STS: variants seen among roughly 807,000 people sequenced by gnomAD.
The protein encoded by STS is steroid sulfatase, also known as steryl-sulfatase.
Under a neutral mutation model 26.8 loss-of-function variants are expected in STS, and 7 were observed. That is an observed-to-expected ratio of 0.26 (90% CI 0.15 to 0.49). The LOEUF (loss-of-function observed/expected upper bound fraction) is 0.49. Among genes scored for constraint, STS ranks in the 20% least tolerant of loss-of-function variants. STS has a pLI of 0.98. For missense variants in STS, 434 were observed against 465.6 expected, an observed-to-expected ratio of 0.93 and a Z score of 0.63; for synonymous variants, 199 against 189.4, an observed-to-expected ratio of 1.05 and a Z score of -0.42.
intron 8 of STS, 80 bp from the exon 9 acceptor site, chrX:7,325,259 G>C (rs1053045068): frequency 1.0e-5 from 11 of 1,049,405 alleles, no homozygotes; most frequent in African/African-American, 9.3e-5. Context: ...TCTACATTGA[G>C]CACGAAAGAG....
At chrX:7,264,866 T>G (rs1332253394) in intron 6 of STS, among the ~76,000 whole-genome samples, 4 of 111,650 alleles carry the variant, frequency 3.6e-5, no homozygotes, top group African/African-American at 1.3e-4. Flanking sequence ...ACAGGTGATC[T>G]CATGTAAAAG....
chrX:7,246,886 A>G (rs1267036498), intron 2 of STS, among the ~76,000 whole-genome samples: 2 of 113,113 alleles, frequency 1.8e-5, no homozygotes, highest in Non-Finnish European at 3.7e-5. Context: ...TGCAAGGCCT[A>G]CGCCAGGGAC....
intron 6 of STS, 49 bp from the exon 7 acceptor site, chrX:7,275,902 C>G: frequency 8.8e-7 from 1 of 1,133,757 alleles, no homozygotes; most frequent in Non-Finnish European, 1.2e-6. Flanking sequence ...ACATACTTAA[C>G]ATTATCTGTG....
chrX:7,323,809 C>G (rs780777150), intron 8 of STS, among the ~76,000 whole-genome samples: 3 of 111,536 alleles, frequency 2.7e-5, no homozygotes, highest in Non-Finnish European at 5.7e-5. Flanking sequence ...AATCTTATTC[C>G]TTGCCTTATC....
rs1334853015 is a variant in STS, at chrX:7,224,767, G to T, written c.-4-28429G>T. On this transcript the variant is annotated intron_variant, in intron 2 of 10. Coordinates refer to ENST00000674429, the MANE Select transcript of STS (RefSeq NM_001320752.2). ...GACTAAGACAATCTGTAAAATAAGGGTATTCACCACCCATGAGGTCTCATA... is the reference window on the plus strand; with the variant it reads ...GACTAAGACAATCTGTAAAATAAGGTTATTCACCACCCATGAGGTCTCATA... Among the ~76,000 whole-genome samples, 3 of 112,352 alleles carry T rather than the reference G, an allele frequency of 2.7e-5. No homozygotes were observed. The East Asian group carries it at 8.4e-4, about 31-fold the overall frequency.
intron 2 of STS, among the ~76,000 whole-genome samples, chrX:7,214,628 T>C (rs1282754143): frequency 1.8e-5 from 2 of 110,059 alleles, no homozygotes; most frequent in Non-Finnish European, 3.8e-5. Context: ...ATTTGTGAGA[T>C]TTTGGTGCAC....
At chrX:7,212,728 A>G (rs747288797) in intron 2 of STS, among the ~76,000 whole-genome samples, 1 of 112,039 alleles carries the variant, frequency 8.9e-6, no homozygotes, top group South Asian at 3.8e-4. Flanking sequence ...TTGATGAATT[A>G]TACTAAACAA....
chrX:7,287,411 G>A (rs1224408444), intron 7 of STS, among the ~76,000 whole-genome samples: 2 of 110,909 alleles, frequency 1.8e-5, no homozygotes, highest in Non-Finnish European at 3.8e-5. Flanking sequence ...CCCTAAATAG[G>A]CAGCATCATT....
At chrX:7,324,266 G>C (rs929829051) in intron 8 of STS, among the ~76,000 whole-genome samples, 1 of 110,966 alleles carries the variant, frequency 9.0e-6, no homozygotes, top group Admixed American at 9.7e-5. Context: ...GCAGTCAATA[G>C]AAGGGAGTGT....
chrX:7,331,487 A>G (rs1209222830), intron 9 of STS, among the ~76,000 whole-genome samples: 1 of 111,349 alleles, frequency 9.0e-6, no homozygotes, highest in African/African-American at 3.3e-5. Context: ...AACATGCTAC[A>G]AAAACTTGAA....
intron 10 of STS, among the ~76,000 whole-genome samples, chrX:7,349,212 C>G (rs1928661000): frequency 1.0e-5 from 1 of 98,873 alleles, no homozygotes. Context: ...AGGCTGGTCT[C>G]AAACCCCTAC....
intron 1 of STS, among the ~76,000 whole-genome samples, chrX:7,183,470 A>G (rs1933718484): frequency 1.8e-5 from 2 of 112,106 alleles, no homozygotes; most frequent in Non-Finnish European, 3.8e-5. Flanking sequence ...GCCCAAGATC[A>G]CACAAGTAAT....
At chrX:7,204,495 T>TCCTC (rs1216910024) in intron 2 of STS, among the ~76,000 whole-genome samples, 1 of 100,480 alleles carries the variant, frequency 1.0e-5, no homozygotes, top group East Asian at 3.4e-4. Context: ...CTCCCTTCCT[T>TCCTC]CCTCCCTCCC....
chrX:7,175,365 G>T (rs1427152425), intron 1 of STS, among the ~76,000 whole-genome samples: 4 of 110,056 alleles, frequency 3.6e-5, no homozygotes, highest in Admixed American at 3.0e-4. Context: ...ATGGTGGTAC[G>T]TGCTTGTAGT....
intron 7 of STS, among the ~76,000 whole-genome samples, chrX:7,276,309 AAAT>A (rs1379893814): frequency 9.1e-6 from 1 of 110,435 alleles, no homozygotes; most frequent in African/African-American, 3.3e-5. Flanking sequence ...TCTCTACAAA[AAAT>A]AAAAAAAAAT....
chrX:7,321,768 G>A, intron 8 of STS, among the ~76,000 whole-genome samples: 1 of 112,170 alleles, frequency 8.9e-6, no homozygotes, highest in African/African-American at 3.2e-5. Context: ...TTGAGTAGCT[G>A]AACTTCAACT....
chrX:7,331,563 GAA>G (rs1250444578), intron 9 of STS, among the ~76,000 whole-genome samples: 9 of 111,636 alleles, frequency 8.1e-5, no homozygotes, highest in African/African-American at 2.6e-4. Flanking sequence ...GAGTCACTTT[GAA>G]AGTGGATTGG....
intron 1 of STS, among the ~76,000 whole-genome samples, chrX:7,181,230 A>T (rs1333575925): frequency 4.4e-5 from 5 of 112,645 alleles, no homozygotes; most frequent in African/African-American, 1.6e-4. Flanking sequence ...TACTCGTGTA[A>T]CAAACCTGTA....
At chrX:7,205,539 G>C (rs1226911762) in intron 2 of STS, among the ~76,000 whole-genome samples, 1 of 111,758 alleles carries the variant, frequency 8.9e-6, no homozygotes, top group Non-Finnish European at 1.9e-5. Flanking sequence ...ACTGTGTCTG[G>C]AGGGGTTGGC....
Sources: allele counts gnomAD v4.1 joint callset (sites outside exome capture counted in the v4.1 genomes callset), GRCh38; gene constraint gnomAD v4.1.1; transcripts MANE v1.5; gene names NCBI Gene and HGNC (gene_info 2026-07-23, HGNC 2026-07-21).